Variants in MBOAT2 observed in about 807,000 individuals in gnomAD.
MBOAT2 encodes membrane-bound glycerophospholipid O-acyltransferase 2.
A neutral mutation model predicts 63.4 loss-of-function variants in MBOAT2; 28 were observed. The ratio of observed to expected loss-of-function variants is 0.44; its 90% CI spans 0.33 to 0.61. The LOEUF (loss-of-function observed/expected upper bound fraction) is 0.61, where lower values mean the gene tolerates loss of function less well. MBOAT2 is among the 20% of genes least tolerant of loss of function. The probability of loss-of-function intolerance (pLI) is 0.03; values close to 1 mark genes in which losing one functional copy is unlikely to be tolerated. For missense variants in MBOAT2, 470 were observed against 605.8 expected (o/e 0.78, Z 2.35); for synonymous variants, 211 against 215.6 (o/e 0.98, Z 0.19).
intron 9 of MBOAT2, among the ~76,000 whole-genome samples, chr2:8,866,579 C>T (rs1391598129): frequency 2.0e-5 from 3 of 152,180 alleles, no homozygotes; most frequent in Non-Finnish European, 2.9e-5. Flanking sequence ...TTTAAAAGAC[C>T]ATGATCAAAC....
At chr2:8,907,679 GT>G (rs1482675560) in intron 4 of MBOAT2, among the ~76,000 whole-genome samples, 2 of 152,046 alleles carry the variant, frequency 1.3e-5, no homozygotes, top group Non-Finnish European at 2.9e-5. Context: ...CATTTAAATT[GT>G]TTTGTTTTGG....
At chr2:8,970,681 A>G (rs546938946) in intron 1 of MBOAT2, among the ~76,000 whole-genome samples, 19 of 152,316 alleles carry the variant, frequency 1.2e-4, no homozygotes, top group Admixed American at 4.6e-4. Flanking sequence ...AAAAAATGAT[A>G]AAGGGGATAT....
rs1572897760 is a variant in MBOAT2 at position 8,858,411 on chromosome 2, G to A, written c.*268C>T. The A allele has an allele frequency of 2.9e-6, 1 of 344,270 alleles. No homozygotes were observed. The highest frequency in any genetic ancestry group is 5.3e-6 in the Non-Finnish European group (1 of 188,954). 21.3% of individuals were successfully genotyped at this position (344,270 alleles called of 1,614,324 possible). A position where few individuals can be genotyped will look rare whatever the true frequency, so the allele number is the denominator to read the frequency against. Reference sequence around the variant, plus strand: ...CAACATACATTCAGCAACAGGGCACGCGTGTGACCCTACGGACAAGTGCTG... The same window carrying A: ...CAACATACATTCAGCAACAGGGCACACGTGTGACCCTACGGACAAGTGCTG... On this transcript the variant is annotated 3_prime_UTR_variant, in exon 13 of 13. Coordinates refer to ENST00000305997, the MANE Select transcript of MBOAT2 (RefSeq NM_138799.4).
At chr2:8,960,796 C>T (rs895152458) in intron 1 of MBOAT2, among the ~76,000 whole-genome samples, 4 of 152,076 alleles carry the variant, frequency 2.6e-5, no homozygotes, top group Non-Finnish European at 4.4e-5. Flanking sequence ...GGGAGATAGG[C>T]CCAAAAATAT....
intron 1 of MBOAT2, among the ~76,000 whole-genome samples, chr2:8,998,855 A>G (rs1056640867): frequency 6.6e-5 from 10 of 152,184 alleles, no homozygotes; most frequent in Non-Finnish European, 1.5e-5. Flanking sequence ...TATTAAGACC[A>G]TAAACTAAAC....
chr2:8,967,761 T>C (rs62119984), intron 1 of MBOAT2, among the ~76,000 whole-genome samples: 7,449 of 152,156 alleles, frequency 0.049, 181 homozygotes, highest in Middle Eastern at 0.058. Context: ...ATTCAGAATA[T>C]GATAAAGATA....
At chr2:8,899,859 T>C (rs189173221) in intron 4 of MBOAT2, among the ~76,000 whole-genome samples, 240 of 152,340 alleles carry the variant, frequency 1.6e-3, no homozygotes, top group African/African-American at 5.7e-3. Flanking sequence ...TCTTGGTCCC[T>C]ATTATAGAAC....
Position 8,888,077 on chromosome 2 carries a change from T to C in MBOAT2, c.396-4A>G, listed in dbSNP as rs1298100881. The C allele has an allele frequency of 1.9e-6, 3 of 1,609,176 alleles. No homozygotes were observed. The highest frequency in any genetic ancestry group is 1.1e-5 in the South Asian group (1 of 89,586). Reference sequence around the variant, plus strand: ...CTGAGTAATGATCATCATTGGGCTGTGACAAGATAAAAAAAATTAGTGTTT... The same window carrying C: ...CTGAGTAATGATCATCATTGGGCTGCGACAAGATAAAAAAAATTAGTGTTT... On this transcript the variant is annotated splice_polypyrimidine_tract_variant and splice_region_variant and intron_variant, in intron 4 of 12. Transcript: ENST00000305997.
intron 1 of MBOAT2, among the ~76,000 whole-genome samples, chr2:8,967,659 AT>A (rs1360387632): frequency 1.3e-5 from 2 of 152,190 alleles, no homozygotes; most frequent in African/African-American, 4.8e-5. Context: ...ACTAGAACAC[AT>A]TTTTTAGAAC....
intron 9 of MBOAT2, among the ~76,000 whole-genome samples, chr2:8,865,515 A>C (rs1661808046): frequency 6.6e-6 from 1 of 152,142 alleles, no homozygotes; most frequent in Admixed American, 6.5e-5. Flanking sequence ...TCTCTCCTTC[A>C]ACTGTAGGAG....
At chr2:8,885,770 A>G (rs1338424375) in intron 5 of MBOAT2, among the ~76,000 whole-genome samples, 2 of 152,256 alleles carry the variant, frequency 1.3e-5, no homozygotes, top group African/African-American at 4.8e-5. Context: ...ACCCAAAGAT[A>G]AAATAACACC....
In MBOAT2 at chr2:8,853,208, C is replaced by T. The variant is rs973803915; in HGVS notation, c.*5471G>A. The T allele has an allele frequency of 1.1e-4, 17 of 152,160 alleles. No homozygotes were observed. Among genetic ancestry groups the T allele is most frequent in the Admixed American group, 1.1e-3 (17 of 15,282 alleles). The allele number at this position is 152,160 out of a possible 1,614,324, so 9.4% of individuals were successfully genotyped here. A position where few individuals can be genotyped will look rare whatever the true frequency, so the allele number is the denominator to read the frequency against. The stretch of plus-strand genomic sequence containing the variant: ...TACTTTCATTCCTATGGCCTTCTAT[C>T]GTGCCCCTTCTGGTTCAGAGGAGCA... On this transcript the variant is annotated 3_prime_UTR_variant, in exon 13 of 13. Transcript: ENST00000305997.
chr2:8,864,273 T>C lies in MBOAT2; in HGVS notation c.988-39A>G, dbSNP rs766135538. 77 of 1,264,044 alleles carry C rather than the reference T, an allele frequency of 6.1e-5. 1 individual carries two copies. The highest frequency in any genetic ancestry group is 2.1e-4 in the Middle Eastern group (1 of 4,816). 78.3% of individuals were successfully genotyped at this position (1,264,044 alleles called of 1,614,324 possible). On this transcript the variant is annotated intron_variant, in intron 9 of 12. Transcript: ENST00000305997. ...AAACTTTTTTCTTTGTGTCACAAAA[T>C]AATGAAGCTTTAAATATAATAATAT... is the stretch of plus-strand genomic sequence containing the variant.
At position 8,854,691 on chromosome 2, in the gene MBOAT2, A is replaced by C. The variant is rs1489560017; in HGVS notation, c.*3988T>G. The C allele has an allele frequency of 6.6e-6, 1 of 152,246 alleles. No homozygotes were observed. The highest frequency in any genetic ancestry group is 1.5e-5 in the Non-Finnish European group (1 of 68,042). The allele number at this position is 152,246 out of a possible 1,614,324, so 9.4% of individuals were successfully genotyped here. A position where few individuals can be genotyped will look rare whatever the true frequency, so the allele number is the denominator to read the frequency against. On this transcript the variant is annotated 3_prime_UTR_variant, in exon 13 of 13. Coordinates refer to ENST00000305997, the MANE Select transcript of MBOAT2 (RefSeq NM_138799.4). ...TGTCCAGATTTGTTCATGAATATAC[A>C]AACTAAATACTTACAAGGTATGAAC... is the stretch of plus-strand genomic sequence containing the variant.
At chr2:8,882,659 T>C in intron 5 of MBOAT2, 94 bp from the exon 6 acceptor site, 2 of 1,087,262 alleles carry the variant, frequency 1.8e-6, no homozygotes, top group Non-Finnish European at 2.8e-6. Context: ...TCATTTGAAA[T>C]TCATGCTATT....
At chr2:8,933,026 C>T (rs914198301) in intron 3 of MBOAT2, among the ~76,000 whole-genome samples, 1 of 152,190 alleles carries the variant, frequency 6.6e-6, no homozygotes, top group African/African-American at 2.4e-5. Flanking sequence ...CTTCTTTTCT[C>T]ACAAAACTTC....
chr2:8,970,621 C>G (rs1670378432), intron 1 of MBOAT2, among the ~76,000 whole-genome samples: 1 of 152,102 alleles, frequency 6.6e-6, no homozygotes, highest in Non-Finnish European at 1.5e-5. Context: ...TGATAGACCA[C>G]TAGCAAGACT....
chr2:8,894,650 G>A (rs763246914), intron 4 of MBOAT2, among the ~76,000 whole-genome samples: 1 of 152,252 alleles, frequency 6.6e-6, no homozygotes, highest in Non-Finnish European at 1.5e-5. Flanking sequence ...ATCAGATTGT[G>A]TGCAGAACTG....
Position 8,943,248 on chromosome 2 carries a change from G to A in MBOAT2, c.238C>T (p.Leu80Phe). The A allele has an allele frequency of 6.3e-7, 1 of 1,581,366 alleles. No individual in the cohort carries two copies. Among genetic ancestry groups the A allele is most frequent in the African/African-American group, 1.3e-5 (1 of 74,422 alleles). The stretch of plus-strand genomic sequence containing the variant: ...CAGTAGGAAATTCCACTTTGTACAA[G>A]AAAGTGTAAGGCATACCTATAAAAA... ...FCFGWYALHF[L>F]VQSGISYCIM... Residue 80 changes from leucine to phenylalanine, a missense_variant, in exon 3 of 13, where the codon CTT becomes TTT. Transcript: ENST00000305997.
Sources: gnomAD v4.1 joint callset for allele counts (sites outside exome capture counted in the v4.1 genomes callset) on GRCh38, gnomAD v4.1.1 for gene constraint, MANE v1.5 for transcripts, NCBI Gene and HGNC (gene_info 2026-07-23, HGNC 2026-07-21) for gene names.